JAKMIP1: variants seen among roughly 807,000 people sequenced by gnomAD.
The protein encoded by JAKMIP1 is janus kinase and microtubule interacting protein 1.
JAKMIP1 carries 33 observed loss-of-function variants against 113.0 expected under a neutral mutation model. The observed-to-expected ratio is 0.29, with a 90% CI of 0.22 to 0.39. The LOEUF is 0.39. JAKMIP1 is among the 10% of genes least tolerant of loss of function. The pLI, the probability that JAKMIP1 is intolerant of heterozygous loss-of-function variation, is 1.00. For synonymous variants in JAKMIP1, 480 were observed against 459.9 expected (o/e 1.04, Z -0.56); for missense variants, 813 against 1,080.5 (o/e 0.75, Z 3.47).
At position 6,193,448 on chromosome 4, in the gene JAKMIP1, C is replaced by T. The variant is rs867479487; in HGVS notation, c.-148+6805G>A. Among the ~76,000 whole-genome samples the T allele has an allele frequency of 3.3e-5, 5 of 152,160 alleles. No homozygotes were observed. The highest frequency in any genetic ancestry group is 9.7e-5 in the African/African-American group (4 of 41,422). ...TCTAGAGAACCCTGACTAATACAGACGTGAGGGATGAAAAGAAGCCAGTCT... is the reference window on the plus strand; with the variant it reads ...TCTAGAGAACCCTGACTAATACAGATGTGAGGGATGAAAAGAAGCCAGTCT... On this transcript the variant is annotated intron_variant, in intron 1 of 20. Transcript: ENST00000409021. The surrounding 1 kb of genome is among the most constrained non-coding windows in gnomAD (Gnocchi z 6.4).
intron 13 of JAKMIP1, among the ~76,000 whole-genome samples, chr4:6,052,938 C>T (rs1010702819): frequency 6.6e-6 from 1 of 152,152 alleles, no homozygotes; most frequent in Non-Finnish European, 1.5e-5. Flanking sequence ...CCTGCCCACA[C>T]GACAAGGTAC....
chr4:6,111,264 G>C (rs775211024), intron 2 of JAKMIP1, among the ~76,000 whole-genome samples: 1 of 152,196 alleles, frequency 6.6e-6, no homozygotes, highest in Non-Finnish European at 1.5e-5. Flanking sequence ...CGTCACTCCA[G>C]GTACTACAGC....
chr4:6,068,653 G>A (rs79659299), intron 8 of JAKMIP1, among the ~76,000 whole-genome samples: 4,107 of 149,014 alleles, frequency 0.028, 169 homozygotes, highest in African/African-American at 0.096. Flanking sequence ...CGTCTCCCAA[G>A]TTCAAGCGAT....
Position 6,106,029 on chromosome 4 carries a change from G to C in JAKMIP1, c.130-62C>G. ...GGGTCAGGGTCAGGGTCAGGGTCAG[G>C]GTCACAGCTGGGGGAGCTGGCCACA... On this transcript the variant is annotated intron_variant, in intron 2 of 20. Coordinates refer to ENST00000409021, the MANE Select transcript of JAKMIP1 (RefSeq NM_001099433.2). The surrounding 1 kb of genome is among the most constrained non-coding windows in gnomAD (Gnocchi z 5.9). 8.5e-7 allele frequency: 1 copy of C among 1,180,996 alleles called. No individual in the cohort carries two copies. Among genetic ancestry groups the C allele is most frequent in the Non-Finnish European group, 1.2e-6 (1 of 843,720 alleles). 73.2% of individuals were successfully genotyped at this position (1,180,996 alleles called of 1,614,324 possible). A position where few individuals can be genotyped will look rare whatever the true frequency, so the allele number is the denominator to read the frequency against.
At chr4:6,037,647 AC>A (rs1412057751) in intron 18 of JAKMIP1, among the ~76,000 whole-genome samples, 1 of 146,384 alleles carries the variant, frequency 6.8e-6, no homozygotes, top group African/African-American at 2.6e-5. Context: ...GCAGAGGTTA[AC>A]CCAGTAGCCC....
chr4:6,039,765 C>T (rs943728445), intron 18 of JAKMIP1, among the ~76,000 whole-genome samples: 1 of 152,170 alleles, frequency 6.6e-6, no homozygotes, highest in South Asian at 2.1e-4. Context: ...CTAGTTGCAC[C>T]GGCCTTCATG....
intron 1 of JAKMIP1, among the ~76,000 whole-genome samples, chr4:6,160,290 A>T (rs908262710): frequency 5.3e-5 from 8 of 152,212 alleles, no homozygotes; most frequent in Non-Finnish European, 1.2e-4. Context: ...TGGGTGAAGG[A>T]AAGTGCCAAA....
chr4:6,101,215 C>G (rs531104467), intron 3 of JAKMIP1, among the ~76,000 whole-genome samples: 1 of 152,110 alleles, frequency 6.6e-6, no homozygotes, highest in East Asian at 1.9e-4. Flanking sequence ...TTGAATTAAT[C>G]TTTGTGGGTA....
chr4:6,151,483 C>G (rs971984481), intron 1 of JAKMIP1, among the ~76,000 whole-genome samples: 1 of 152,108 alleles, frequency 6.6e-6, no homozygotes, highest in African/African-American at 2.4e-5. Flanking sequence ...GCCCAGAAGG[C>G]CCTCTGCTTG....
At chr4:6,161,208 G>T (rs531536641) in intron 1 of JAKMIP1, among the ~76,000 whole-genome samples, 35 of 117,398 alleles carry the variant, frequency 3.0e-4, no homozygotes, top group African/African-American at 1.2e-3. Context: ...TCATCTCCCC[G>T]ATCTCCACTC....
rs182180592 is a variant in JAKMIP1, at chr4:6,098,816, C to G, written c.624+6657G>C. ...GATTCCTGATGCTCGAGAAGGCTGG[C>G]TCCTGCCGCTTCCTGATCAACCCCA... On this transcript the variant is annotated intron_variant, in intron 3 of 20. Transcript: ENST00000409021. Among the ~76,000 whole-genome samples, 564 of 152,298 alleles carry G rather than the reference C, an allele frequency of 3.7e-3. 1 individual carries two copies. The highest frequency in any genetic ancestry group is 0.01 in the Middle Eastern group (3 of 294).
chr4:6,168,924 A>T lies in JAKMIP1; in HGVS notation c.-148+31329T>A, dbSNP rs1427189454. Among the ~76,000 whole-genome samples the T allele has an allele frequency of 2.0e-5, 3 of 151,454 alleles. No homozygotes were observed. The highest frequency in any genetic ancestry group is 2.9e-5 in the Non-Finnish European group (2 of 67,936). On this transcript the variant is annotated intron_variant, in intron 1 of 20. Transcript: ENST00000409021. This position sits in a 1 kb window ranked among gnomAD's most constrained non-coding sequence, Gnocchi z 4.6. ...TCAAAAAATAAAAACAAAAAAAAAA[A>T]TCATAGGGACAAGAAGTAGATGTAG...
chr4:6,082,511 T>C (rs746001451), intron 5 of JAKMIP1, among the ~76,000 whole-genome samples: 3 of 151,434 alleles, frequency 2.0e-5, no homozygotes, highest in South Asian at 4.2e-4. Context: ...TAAAATGACA[T>C]GTGTCACTTT....
chr4:6,118,584 A>G (rs1200925678), intron 1 of JAKMIP1, among the ~76,000 whole-genome samples: 6 of 152,152 alleles, frequency 3.9e-5, no homozygotes, highest in Admixed American at 1.3e-4. Flanking sequence ...GATGCCCACC[A>G]CCAATATCTG....
Position 6,154,918 on chromosome 4 carries a change from C to A in JAKMIP1, c.-147-41921G>T, listed in dbSNP as rs928748264. ...CCTGAGACCCTCTCACTCCACAAAC[C>A]AACACAGAGCACGCAGGGAAAGGTG... On this transcript the variant is annotated intron_variant, in intron 1 of 20. Coordinates refer to ENST00000409021, the MANE Select transcript of JAKMIP1 (RefSeq NM_001099433.2). This position sits in a 1 kb window ranked among gnomAD's most constrained non-coding sequence, Gnocchi z 4.2. Among the ~76,000 whole-genome samples, 3 of 152,118 alleles carry A rather than the reference C, an allele frequency of 2.0e-5. No individual in the cohort carries two copies. Among genetic ancestry groups the A allele is most frequent in the African/African-American group, 4.8e-5 (2 of 41,406 alleles).
intron 20 of JAKMIP1, among the ~76,000 whole-genome samples, chr4:6,029,163 G>A (rs1397863905): frequency 6.6e-6 from 1 of 152,236 alleles, no homozygotes; most frequent in Non-Finnish European, 1.5e-5. Context: ...CCATGGACAG[G>A]TGTCCTAATC....
chr4:6,150,843 A>G lies in JAKMIP1; in HGVS notation c.-147-37846T>C, dbSNP rs1721484980. On this transcript the variant is annotated intron_variant, in intron 1 of 20. Coordinates refer to ENST00000409021, the MANE Select transcript of JAKMIP1 (RefSeq NM_001099433.2). The surrounding 1 kb of genome is among the most constrained non-coding windows in gnomAD (Gnocchi z 4.8). ...TCAAGCTCCTCCACTTGAGCAAGAC[A>G]GTAATAATGTCTGCCACCGGAAGAC... 6.6e-6 allele frequency among the ~76,000 whole-genome samples: 1 copy of G among 152,218 alleles called. No homozygotes were observed. Among genetic ancestry groups the G allele is most frequent in the South Asian group, 2.1e-4 (1 of 4,824 alleles).
chr4:6,079,356 A>G (rs1387642633), intron 7 of JAKMIP1, among the ~76,000 whole-genome samples: 2 of 151,796 alleles, frequency 1.3e-5, no homozygotes, highest in Non-Finnish European at 2.9e-5. Flanking sequence ...GGGTGGGTGG[A>G]TGGATGGATG....
At position 6,069,713 on chromosome 4, in the gene JAKMIP1, T is replaced by A. The variant is rs936622888; in HGVS notation, c.1303-4705A>T. ...GGCTGCAGTGAGCTGTGATTGTGCC[T>A]CTGCACTCCAGCCTGGGTGACAGGG... On this transcript the variant is annotated intron_variant, in intron 8 of 20. Coordinates refer to ENST00000409021, the MANE Select transcript of JAKMIP1 (RefSeq NM_001099433.2). This position sits in a 1 kb window ranked among gnomAD's most constrained non-coding sequence, Gnocchi z 4.5. Among the ~76,000 whole-genome samples the A allele has an allele frequency of 1.8e-4, 27 of 149,382 alleles. No homozygotes were observed. Among genetic ancestry groups the A allele is most frequent in the Non-Finnish European group, 3.5e-4 (24 of 67,770 alleles).
Sources: gnomAD v4.1 joint callset for allele counts (sites outside exome capture counted in the v4.1 genomes callset) on GRCh38, gnomAD v4.1.1 for gene constraint, Gnocchi (gnomAD v3.1) non-coding constraint, MANE v1.5 for transcripts, NCBI Gene and HGNC (gene_info 2026-07-23, HGNC 2026-07-21) for gene names.